The following MEIS2 variants were observed in gnomAD, a reference collection of about 807,000 sequenced individuals.
MEIS2 encodes the protein homeobox protein Meis2.
Under a neutral mutation model 58.6 loss-of-function variants are expected in MEIS2, and 9 were observed. That is an observed-to-expected ratio of 0.15 (90% CI 0.09 to 0.27). MEIS2 has a LOEUF of 0.27. MEIS2 is among the 10% of genes least tolerant of loss of function. The probability of loss-of-function intolerance (pLI) is 1.00; values close to 1 mark genes in which losing one functional copy is unlikely to be tolerated. For missense variants in MEIS2, 427 were observed against 635.0 expected (o/e 0.67, Z 3.52); for synonymous variants, 221 against 228.4 (o/e 0.97, Z 0.29).
chr15:37,013,148 C>T lies in MEIS2; in HGVS notation c.900+23666G>A, dbSNP rs370558930. On this transcript the variant is annotated intron_variant, in intron 8 of 11. Transcript: ENST00000561208. ...TTCATGGAGTCCAGGAGAATCCTTCCACTGAGAGTGCCAGATGGCACCTTA... is the reference window on the plus strand; with the variant it reads ...TTCATGGAGTCCAGGAGAATCCTTCTACTGAGAGTGCCAGATGGCACCTTA... Among the ~76,000 whole-genome samples, 4 of 152,112 alleles carry T rather than the reference C, an allele frequency of 2.6e-5. No homozygotes were observed. In the East Asian group the frequency reaches 5.8e-4, roughly 22 times the overall value.
chr15:37,057,773 T>G (rs1393756258), intron 7 of MEIS2, among the ~76,000 whole-genome samples: 1 of 152,182 alleles, frequency 6.6e-6, no homozygotes, highest in East Asian at 1.9e-4. Flanking sequence ...CTCTCTACTT[T>G]GTTTTCACAG....
intron 7 of MEIS2, among the ~76,000 whole-genome samples, chr15:37,073,251 G>T (rs1890946645): frequency 6.6e-6 from 1 of 151,956 alleles, no homozygotes; most frequent in South Asian, 2.1e-4. Flanking sequence ...AAATATTGCT[G>T]CTTGGAAGTG....
chr15:37,069,461 T>C (rs928208262), intron 7 of MEIS2, among the ~76,000 whole-genome samples: 1 of 152,200 alleles, frequency 6.6e-6, no homozygotes, highest in Non-Finnish European at 1.5e-5. Flanking sequence ...ATGGCAAAGA[T>C]AGTCTTAACT....
chr15:37,011,292 T>C (rs1288226539), intron 8 of MEIS2, among the ~76,000 whole-genome samples: 1 of 152,232 alleles, frequency 6.6e-6, no homozygotes, highest in Non-Finnish European at 1.5e-5. Context: ...TCACCTTCAA[T>C]GATGACCAAT....
chr15:37,044,328 T>C (rs1006888569), intron 7 of MEIS2, among the ~76,000 whole-genome samples: 3 of 152,194 alleles, frequency 2.0e-5, no homozygotes, highest in African/African-American at 4.8e-5. Context: ...ATTTATGTCC[T>C]AGAGAGACAC....
chr15:36,994,715 C>T (rs1842147236), intron 8 of MEIS2, among the ~76,000 whole-genome samples: 1 of 152,170 alleles, frequency 6.6e-6, no homozygotes, highest in African/African-American at 2.4e-5. Flanking sequence ...ATGGCTTATA[C>T]TGTGCATGTA....
chr15:36,922,199 C>T (rs2057539252), intron 9 of MEIS2, among the ~76,000 whole-genome samples: 2 of 152,130 alleles, frequency 1.3e-5, no homozygotes, highest in African/African-American at 4.8e-5. Context: ...CAGTCTGACC[C>T]CGAGGAGCTT....
chr15:36,955,666 C>A (rs114797078), intron 8 of MEIS2, among the ~76,000 whole-genome samples: 217 of 152,260 alleles, frequency 1.4e-3, no homozygotes, highest in African/African-American at 5.1e-3. Context: ...ATACACAACC[C>A]TCTCAAGTTG....
At chr15:36,952,646 T>TGTGTGC (rs1356856777) in intron 8 of MEIS2, among the ~76,000 whole-genome samples, 16 of 150,198 alleles carry the variant, frequency 1.1e-4, no homozygotes, top group African/African-American at 3.7e-4. Flanking sequence ...TGTGTGTGTG[T>TGTGTGC]GTGCATGTGT....
chr15:37,037,999 G>C (rs2062235090), intron 7 of MEIS2, among the ~76,000 whole-genome samples: 1 of 152,164 alleles, frequency 6.6e-6, no homozygotes, highest in African/African-American at 2.4e-5. Flanking sequence ...CACATCATTA[G>C]CCTGGAGCCA....
chr15:36,895,044 G>A, intron 11 of MEIS2, 107 bp downstream of exon 11: 2 of 1,026,872 alleles, frequency 1.9e-6, no homozygotes, highest in Non-Finnish European at 2.9e-6. Flanking sequence ...CAGGCAGCAG[G>A]CAAATGTTAA....
At chr15:37,035,437 G>A (rs1318163776) in intron 8 of MEIS2, among the ~76,000 whole-genome samples, 2 of 152,196 alleles carry the variant, frequency 1.3e-5, no homozygotes, top group African/African-American at 4.8e-5. Context: ...TGACCAATAT[G>A]TAATGGATTT....
chr15:36,904,638 C>CT (rs55954977), intron 9 of MEIS2, among the ~76,000 whole-genome samples: 41,738 of 128,882 alleles, frequency 0.32, 6,095 homozygotes, highest in East Asian at 0.45. Flanking sequence ...ACATTTTCTT[C>CT]TTTTTTTTTT....
chr15:36,924,610 G>C (rs1359350937), intron 9 of MEIS2, among the ~76,000 whole-genome samples: 2 of 152,166 alleles, frequency 1.3e-5, no homozygotes, highest in Non-Finnish European at 2.9e-5. Context: ...TAACTACATA[G>C]ACTTGCCGCG....
intron 8 of MEIS2, among the ~76,000 whole-genome samples, chr15:36,970,286 C>A (rs1355338954): frequency 6.6e-6 from 1 of 151,944 alleles, no homozygotes; most frequent in Non-Finnish European, 1.5e-5. Flanking sequence ...CGCCTGTAGT[C>A]CCAGCTACTC....
chr15:36,908,958 AT>A (rs1380233263), intron 9 of MEIS2, among the ~76,000 whole-genome samples: 1 of 152,180 alleles, frequency 6.6e-6, no homozygotes, highest in African/African-American at 2.4e-5. Context: ...AATAATAATA[AT>A]AACAAAACAA....
At chr15:36,965,979 A>G (rs2059341700) in intron 8 of MEIS2, among the ~76,000 whole-genome samples, 1 of 152,270 alleles carries the variant, frequency 6.6e-6, no homozygotes, top group Non-Finnish European at 1.5e-5. Flanking sequence ...TATACACATT[A>G]GAATAATATA....
chr15:37,061,069 A>G (rs1889145550), intron 7 of MEIS2, among the ~76,000 whole-genome samples: 1 of 152,192 alleles, frequency 6.6e-6, no homozygotes, highest in Admixed American at 6.5e-5. Flanking sequence ...ACAGATTTGT[A>G]TCTGATCCTC....
chr15:37,020,019 C>T (rs1474940553), intron 8 of MEIS2, among the ~76,000 whole-genome samples: 2 of 152,102 alleles, frequency 1.3e-5, no homozygotes, highest in South Asian at 2.1e-4. Flanking sequence ...GAGAGCCCTA[C>T]GAGGACTCAG....
Sources: allele counts gnomAD v4.1 joint callset (sites outside exome capture counted in the v4.1 genomes callset), GRCh38; gene constraint gnomAD v4.1.1; transcripts MANE v1.5; gene names NCBI Gene and HGNC (gene_info 2026-07-23, HGNC 2026-07-21).